AKR1C1: variants seen among roughly 807,000 people sequenced by gnomAD.
AKR1C1 encodes aldo-keto reductase family 1 member C1, also known as 20 alpha-hydroxysteroid dehydrogenase.
Under a neutral mutation model 40.6 loss-of-function variants are expected in AKR1C1, and 32 were observed. The observed-to-expected ratio is 0.79, with a 90% confidence interval of 0.60 to 1.06. The LOEUF is 1.06. AKR1C1 is among the 50% of genes least tolerant of loss of function. AKR1C1 has a pLI of 0.00. For synonymous variants in AKR1C1, 105 were observed against 134.2 expected (o/e 0.78, Z 1.50); for missense variants, 320 against 363.5 (o/e 0.88, Z 0.97).
Position 4,980,861 on chromosome 10 carries a change from A to T in AKR1C1, c.*3119A>T, listed in dbSNP as rs1409375547. 1.7e-4 allele frequency: 26 copies of T among 152,236 alleles called. No individual in the cohort carries two copies. Among genetic ancestry groups the T allele is most frequent in the African/African-American group, 5.8e-4 (24 of 41,464 alleles). 9.4% of individuals were successfully genotyped at this position (152,236 alleles called of 1,614,324 possible). A position where few individuals can be genotyped will look rare whatever the true frequency, so the allele number is the denominator to read the frequency against. On this transcript the variant is annotated 3_prime_UTR_variant, in exon 9 of 9. Coordinates refer to ENST00000380872, the MANE Select transcript of AKR1C1 (RefSeq NM_001353.6). Reference sequence around the variant, plus strand: ...TGTTTTTAATGGCATCTAGAATAGTAAATCTTTTTCAGAAGATTTTCAATT... The same window carrying T: ...TGTTTTTAATGGCATCTAGAATAGTTAATCTTTTTCAGAAGATTTTCAATT...
At position 4,983,218 on chromosome 10, in the gene AKR1C1, T is replaced by G. The variant is rs1174539396; in HGVS notation, c.*5476T>G. 1.1e-5 allele frequency: 2 copies of G among 178,906 alleles called. No individual in the cohort carries two copies. The highest frequency in any genetic ancestry group is 2.3e-5 in the Non-Finnish European group (2 of 85,572). The allele number at this position is 178,906 out of a possible 1,614,324, so 11.1% of individuals were successfully genotyped here. ...CAGGAACAGAAGGACTGGGCAACAT[T>G]CAGGCGGAGCCCAGGCCAATTTTCT... On this transcript the variant is annotated 3_prime_UTR_variant, in exon 9 of 9. Coordinates refer to ENST00000380872, the MANE Select transcript of AKR1C1 (RefSeq NM_001353.6).
At chr10:4,977,087 T>C (rs1279324094) in intron 8 of AKR1C1, among the ~76,000 whole-genome samples, 6 of 152,238 alleles carry the variant, frequency 3.9e-5, no homozygotes, top group African/African-American at 1.4e-4. Flanking sequence ...AATTAATAAG[T>C]TGTAATTGTA....
At chr10:4,964,121 G>A (rs934061644) in intron 1 of AKR1C1, among the ~76,000 whole-genome samples, 2 of 152,008 alleles carry the variant, frequency 1.3e-5, no homozygotes, top group African/African-American at 4.8e-5. Flanking sequence ...GTTAATATGG[G>A]TCAAATTTGT....
At chr10:4,967,293 T>A (rs1365975820) in intron 3 of AKR1C1, 18 of 1,118,474 alleles carry the variant, frequency 1.6e-5, no homozygotes, top group Non-Finnish European at 2.1e-5. Context: ...GAGGAAATGA[T>A]AGTCATCTCC....
Position 4,981,386 on chromosome 10 carries a change from C to A in AKR1C1, c.*3644C>A, listed in dbSNP as rs1386098164. ...AGAAATCAGAGATATCACAAAATGA[C>A]AAAACAAGTACAGGGGCAGCAAAAG... On this transcript the variant is annotated 3_prime_UTR_variant, in exon 9 of 9. Transcript: ENST00000380872. The A allele has an allele frequency of 6.6e-6, 1 of 152,162 alleles. No homozygotes were observed. Among genetic ancestry groups the A allele is most frequent in the African/African-American group, 2.4e-5 (1 of 41,490 alleles). 9.4% of individuals were successfully genotyped at this position (152,162 alleles called of 1,614,324 possible). A position where few individuals can be genotyped will look rare whatever the true frequency, so the allele number is the denominator to read the frequency against.
At chr10:4,971,979 C>A (rs1242634677) in intron 5 of AKR1C1, among the ~76,000 whole-genome samples, 1 of 149,126 alleles carries the variant, frequency 6.7e-6, no homozygotes, top group African/African-American at 2.5e-5. Context: ...ATTGAGAAAC[C>A]AGGATAGGGT....
intron 8 of AKR1C1, among the ~76,000 whole-genome samples, chr10:4,977,330 C>A (rs529949703): frequency 6.6e-6 from 1 of 152,206 alleles, no homozygotes; most frequent in Non-Finnish European, 1.5e-5. Flanking sequence ...TAGTGATGAG[C>A]ATATGTCTTG....
intron 3 of AKR1C1, 124 bp downstream of exon 3, chr10:4,967,167 C>G: frequency 1.8e-6 from 2 of 1,117,210 alleles, no homozygotes; most frequent in Non-Finnish European, 2.6e-6. Flanking sequence ...AAGAAGAATC[C>G]TAAATCTAAC....
intron 4 of AKR1C1, 51 bp from the exon 5 acceptor site, chr10:4,968,771 C>A (rs373164370): frequency 1.2e-6 from 2 of 1,613,604 alleles, no homozygotes; most frequent in East Asian, 4.5e-5. Context: ...TTTCACAGTT[C>A]TGTGTCACAT....
At position 4,968,883 on chromosome 10, in the gene AKR1C1, G is replaced by T. The variant is rs139588200; in HGVS notation, c.509G>T (p.Arg170Leu). The change falls in exon 5 of 9, where the codon CGC becomes CTC. Residue 170 changes from arginine (R) to leucine (L), a missense_variant. Physicochemically the swap from Arg to Leu is moderately radical, Grantham distance 102. Coordinates refer to ENST00000380872, the MANE Select transcript of AKR1C1 (RefSeq NM_001353.6). ...AKSIGVSNFN[R>L]RQLEMILNKP... ...TCCATCGGGGTGTCCAACTTCAACCGCAGGCAGCTGGAGATGATCCTCAAC... is the reference window on the plus strand; with the variant it reads ...TCCATCGGGGTGTCCAACTTCAACCTCAGGCAGCTGGAGATGATCCTCAAC... The T allele has an allele frequency of 4.3e-6, 7 of 1,613,982 alleles. No homozygotes were observed. The highest frequency in any genetic ancestry group is 1.3e-5 in the African/African-American group (1 of 74,904).
rs368796352 is a variant in AKR1C1, at chr10:4,972,716, C to T, written c.813C>T (p.Ser271=). 1.2e-6 allele frequency: 2 copies of T among 1,612,258 alleles called. No individual in the cohort carries two copies. Among genetic ancestry groups the T allele is most frequent in the African/African-American group, 2.7e-5 (2 of 74,886 alleles). ...GTGGGGTTGTGGTCCTGGCCAAGAG[C>T]TACAATGAGCAGCGCATCAGACAGA... is the stretch of plus-strand genomic sequence containing the variant. ...LQRGVVVLAK[S]YNEQRIRQNV... The change falls in exon 7 of 9, where the codon AGC becomes AGT. Residue 271 remains serine, a synonymous_variant. Transcript: ENST00000380872.
rs1387154458 is a variant in AKR1C1, at chr10:4,979,740, C to T, written c.*1998C>T. The T allele has an allele frequency of 6.6e-6, 1 of 151,936 alleles. No individual in the cohort carries two copies. The highest frequency in any genetic ancestry group is 1.5e-5 in the Non-Finnish European group (1 of 68,006). The allele number at this position is 151,936 out of a possible 1,614,324, so 9.4% of individuals were successfully genotyped here. ...ACTCTTATTGTTAAAAAAAAAGTTA[C>T]TCAGAATTTCATAAAGCCAAACACC... On this transcript the variant is annotated 3_prime_UTR_variant, in exon 9 of 9. Coordinates refer to ENST00000380872, the MANE Select transcript of AKR1C1 (RefSeq NM_001353.6).
chr10:4,969,695 T>C (rs1290810720), intron 5 of AKR1C1: 1 of 1,612,166 alleles, frequency 6.2e-7, no homozygotes, highest in South Asian at 1.1e-5. Flanking sequence ...ATTCCATCTT[T>C]TCCTTGAGTC....
In AKR1C1 at chr10:4,972,657, C is replaced by G. The variant is rs1836453889; in HGVS notation, c.754C>G (p.Pro252Ala). 6.2e-7 allele frequency: 1 copy of G among 1,613,040 alleles called. No homozygotes were observed. Among genetic ancestry groups the G allele is most frequent in the African/African-American group, 1.3e-5 (1 of 74,898 alleles). ...CTTGGCAAAAAAGCACAAGCGAACC[C>G]CAGCCCTGATTGCCCTGCGCTACCA... Reference protein sequence around the residue: ...CALAKKHKRTPALIALRYQLQ... With the variant: ...CALAKKHKRTAALIALRYQLQ... Residue 252 changes from proline to alanine, a missense_variant, in exon 7 of 9, where the codon CCA (proline) becomes GCA (alanine). Transcript: ENST00000380872.
chr10:4,966,098 G>A lies in AKR1C1; in HGVS notation c.252+17G>A. On this transcript the variant is annotated intron_variant, in intron 2 of 8. Transcript: ENST00000380872. Reference sequence around the variant, plus strand: ...ACTTCAAAGGTACTGTGCCTATGATGAGCTTGTGTGCACATGTATTTATTG... The same window carrying A: ...ACTTCAAAGGTACTGTGCCTATGATAAGCTTGTGTGCACATGTATTTATTG... 1.2e-6 allele frequency: 2 copies of A among 1,607,260 alleles called. No individual in the cohort carries two copies. Among genetic ancestry groups the A allele is most frequent in the Non-Finnish European group, 1.7e-6 (2 of 1,176,394 alleles).
At position 4,965,983 on chromosome 10, in the gene AKR1C1, G is replaced by T. The variant is rs1333842220; in HGVS notation, c.154G>T (p.Ala52Ser). 1.2e-6 allele frequency: 2 copies of T among 1,614,116 alleles called. No homozygotes were observed. Among genetic ancestry groups the T allele is most frequent in the African/African-American group, 2.7e-5 (2 of 74,942 alleles). The stretch of plus-strand genomic sequence containing the variant: ...AGCTGGCTTCCGCCATATTGATTCT[G>T]CTCATTTATACAATAATGAGGAGCA... ...IEAGFRHIDS[A>S]HLYNNEEQVG... The change falls in exon 2 of 9, where the codon GCT becomes TCT. Residue 52 changes from alanine (A) to serine (S), a missense_variant. Ala to Ser is a moderately conservative substitution (Grantham distance 99). Coordinates refer to ENST00000380872, the MANE Select transcript of AKR1C1 (RefSeq NM_001353.6).
At chr10:4,966,383 C>T (rs893457256) in intron 2 of AKR1C1, among the ~76,000 whole-genome samples, 4 of 152,124 alleles carry the variant, frequency 2.6e-5, no homozygotes, top group Non-Finnish European at 5.9e-5. Flanking sequence ...TTATTTCTTA[C>T]CTCCTGGGTG....
rs1836619583 is a variant in AKR1C1, at chr10:4,981,702, C to T, written c.*3960C>T. Reference sequence around the variant, plus strand: ...AGAGTTCACTCCAGAGCATACATCCCCACTGGGGATCTGGAAATTCAGGCC... The same window carrying T: ...AGAGTTCACTCCAGAGCATACATCCTCACTGGGGATCTGGAAATTCAGGCC... On this transcript the variant is annotated 3_prime_UTR_variant, in exon 9 of 9. Coordinates refer to ENST00000380872, the MANE Select transcript of AKR1C1 (RefSeq NM_001353.6). The T allele has an allele frequency of 6.6e-6, 1 of 152,270 alleles. No homozygotes were observed. The highest frequency in any genetic ancestry group is 2.4e-5 in the African/African-American group (1 of 41,462). 9.4% of individuals were successfully genotyped at this position (152,270 alleles called of 1,614,324 possible). A position where few individuals can be genotyped will look rare whatever the true frequency, so the allele number is the denominator to read the frequency against.
rs559235990 is a variant in AKR1C1, at chr10:4,982,354, G to T, written c.*4612G>T. 4 of 150,636 alleles carry T rather than the reference G, an allele frequency of 2.7e-5. No individual in the cohort carries two copies. The highest frequency in any genetic ancestry group is 9.8e-5 in the African/African-American group (4 of 40,788). The allele number at this position is 150,636 out of a possible 1,614,324, so 9.3% of individuals were successfully genotyped here. On this transcript the variant is annotated 3_prime_UTR_variant, in exon 9 of 9. Coordinates refer to ENST00000380872, the MANE Select transcript of AKR1C1 (RefSeq NM_001353.6). ...CTGGGGGGACCTTCTTAGAAGAGCTGCGCCCCACCCCCCTCCCTGGACAGC... is the reference window on the plus strand; with the variant it reads ...CTGGGGGGACCTTCTTAGAAGAGCTTCGCCCCACCCCCCTCCCTGGACAGC...
Sources: gnomAD v4.1 joint callset for allele counts (sites outside exome capture counted in the v4.1 genomes callset) on GRCh38, gnomAD v4.1.1 for gene constraint, MANE v1.5 for transcripts, NCBI Gene and HGNC (gene_info 2026-07-23, HGNC 2026-07-21) for gene names.